ARL8A: variants seen among roughly 807,000 people sequenced by gnomAD.
ARL8A encodes the protein ADP-ribosylation factor-like protein 8A.
Under a neutral mutation model 31.2 loss-of-function variants are expected in ARL8A, and 10 were observed. The ratio of observed to expected loss-of-function variants is 0.32; its 90% CI spans 0.20 to 0.54. ARL8A has a LOEUF of 0.54. Ranked by LOEUF, ARL8A falls within the 20% of genes least tolerant of loss-of-function variation. The probability of loss-of-function intolerance (pLI) is 0.93; values close to 1 mark genes in which losing one functional copy is unlikely to be tolerated. For synonymous variants in ARL8A, 70 were observed against 86.9 expected (o/e 0.81, Z 1.08); for missense variants, 129 against 242.8 (o/e 0.53, Z 3.12).
Position 202,134,426 on chromosome 1 carries a change from G to A in ARL8A, c.*41C>T. The A allele has an allele frequency of 6.3e-7, 1 of 1,595,720 alleles. No homozygotes were observed. The highest frequency in any genetic ancestry group is 8.6e-7 in the Non-Finnish European group (1 of 1,163,814). Reference sequence around the variant, plus strand: ...GGCGGGGAGCTCGGCTTCAGGTTTAGATGATGACGGTCCCTGGTCTGAGGG... The same window carrying A: ...GGCGGGGAGCTCGGCTTCAGGTTTAAATGATGACGGTCCCTGGTCTGAGGG... On this transcript the variant is annotated 3_prime_UTR_variant, in exon 7 of 7. Transcript: ENST00000272217. This position sits in a 1 kb window ranked among gnomAD's most constrained non-coding sequence, Gnocchi z 4.2.
chr1:202,138,029 T>C lies in ARL8A; in HGVS notation c.214A>G (p.Ile72Val). Residue 72 changes from isoleucine to valine, a missense_variant, in exon 3 of 7, where the codon ATT (isoleucine) becomes GTT (valine). Coordinates refer to ENST00000272217, the MANE Select transcript of ARL8A (RefSeq NM_138795.4). The surrounding 1 kb of genome is among the most constrained non-coding windows in gnomAD (Gnocchi z 4.4). ...KGNVTIKLWD[I>V]GGQPRFRSMW... is the part of the protein sequence containing the mutation. The stretch of plus-strand genomic sequence containing the variant: ...CTGCGGAAACGCGGCTGTCCCCCAA[T>C]GTCCCAGAGCTGAGCAAGAAGAGGG... The C allele has an allele frequency of 1.2e-6, 2 of 1,614,050 alleles. No homozygotes were observed. The highest frequency in any genetic ancestry group is 1.1e-5 in the South Asian group (1 of 91,074).
rs1323234735 is a variant in ARL8A at position 202,144,010 on chromosome 1, C to T, written c.123+440G>A. On this transcript the variant is annotated intron_variant, in intron 1 of 6. Coordinates refer to ENST00000272217, the MANE Select transcript of ARL8A (RefSeq NM_138795.4). The surrounding 1 kb of genome is among the most constrained non-coding windows in gnomAD (Gnocchi z 5.2). ...GTGGGGCTGGGCTTGCCCAAACCCC[C>T]TCCTCAAGCCTCTCGGCCGCCCCGT... 1.3e-5 allele frequency among the ~76,000 whole-genome samples: 2 copies of T among 152,258 alleles called. No individual in the cohort carries two copies. The highest frequency in any genetic ancestry group is 2.9e-5 in the Non-Finnish European group (2 of 68,036).
Position 202,134,250 on chromosome 1 carries a change from A to C in ARL8A, c.*217T>G. 34 of 532,234 alleles carry C rather than the reference A, an allele frequency of 6.4e-5. No individual in the cohort carries two copies. The highest frequency in any genetic ancestry group is 7.5e-5 in the Non-Finnish European group (22 of 293,762). The allele number at this position is 532,234 out of a possible 1,614,324, so 33.0% of individuals were successfully genotyped here. On this transcript the variant is annotated 3_prime_UTR_variant, in exon 7 of 7. Coordinates refer to ENST00000272217, the MANE Select transcript of ARL8A (RefSeq NM_138795.4). The surrounding 1 kb of genome is among the most constrained non-coding windows in gnomAD (Gnocchi z 4.2). The stretch of plus-strand genomic sequence containing the variant: ...GGTGATGGGACAAAGGCAGCGGGGA[A>C]GGGTGAGAAGTTAGGGGACCAGAAT...
rs1654949386 is a variant in ARL8A, at chr1:202,134,461, G to A, written c.*6C>T. 5 of 1,612,294 alleles carry A rather than the reference G, an allele frequency of 3.1e-6. No individual in the cohort carries two copies. Among genetic ancestry groups the A allele is most frequent in the African/African-American group, 1.3e-5 (1 of 74,810 alleles). ...GTCCCTGGTCTGAGGGAGAAGGGCTGGAGTCTCAGCTTCTCCGTGACTTCG... is the reference window on the plus strand; with the variant it reads ...GTCCCTGGTCTGAGGGAGAAGGGCTAGAGTCTCAGCTTCTCCGTGACTTCG... On this transcript the variant is annotated 3_prime_UTR_variant, in exon 7 of 7. Transcript: ENST00000272217. This position sits in a 1 kb window ranked among gnomAD's most constrained non-coding sequence, Gnocchi z 4.2.
In ARL8A at chr1:202,136,263, A is replaced by G. The variant is rs12068028; in HGVS notation, c.279-463T>C. On this transcript the variant is annotated intron_variant, in intron 3 of 6. Coordinates refer to ENST00000272217, the MANE Select transcript of ARL8A (RefSeq NM_138795.4). Reference sequence around the variant, plus strand: ...ATCTATTGTTTGGGCATATATATATAGAATAAATTTTATTATTATTATTAA... The same window carrying G: ...ATCTATTGTTTGGGCATATATATATGGAATAAATTTTATTATTATTATTAA... 3.5e-3 allele frequency among the ~76,000 whole-genome samples: 527 copies of G among 152,248 alleles called. 9 individuals carry two copies. Among genetic ancestry groups the G allele is most frequent in the African/African-American group, 0.012 (491 of 41,558 alleles).
At position 202,144,333 on chromosome 1, in the gene ARL8A, C is replaced by T; in HGVS notation, c.123+117G>A. On this transcript the variant is annotated intron_variant, in intron 1 of 6. Coordinates refer to ENST00000272217, the MANE Select transcript of ARL8A (RefSeq NM_138795.4). The surrounding 1 kb of genome is among the most constrained non-coding windows in gnomAD (Gnocchi z 5.2). ...GGGCCGGCTCCTCCCCCGCCCGGCG[C>T]CCGGCCGTGCCCGGCTATGCCAGGC... The T allele has an allele frequency of 1.4e-6, 1 of 731,184 alleles. No individual in the cohort carries two copies. The highest frequency in any genetic ancestry group is 1.7e-6 in the Non-Finnish European group (1 of 596,508). 45.3% of individuals were successfully genotyped at this position (731,184 alleles called of 1,614,324 possible).
At chr1:202,142,455 A>G (rs1655188020) in intron 1 of ARL8A, among the ~76,000 whole-genome samples, 2 of 152,226 alleles carry the variant, frequency 1.3e-5, no homozygotes, top group African/African-American at 4.8e-5. Flanking sequence ...CAGCAATGCC[A>G]GTGTGGTAGC....
chr1:202,141,505 G>T (rs377139861), intron 1 of ARL8A, among the ~76,000 whole-genome samples: 1 of 152,008 alleles, frequency 6.6e-6, no homozygotes, highest in Non-Finnish European at 1.5e-5. Flanking sequence ...AGCCAGGCAT[G>T]GTGGTGTATG....
rs1418338096 is a variant in ARL8A, at chr1:202,135,622, G to A, written c.372+85C>T. 8.9e-6 allele frequency: 14 copies of A among 1,572,412 alleles called. No homozygotes were observed. Among genetic ancestry groups the A allele is most frequent in the Non-Finnish European group, 1.1e-5 (13 of 1,143,056 alleles). ...CTCCTGGGTCCCGTTTCCTCTCTGC[G>A]CCCCTACCATGCCTGGCTTTTACCT... On this transcript the variant is annotated intron_variant, in intron 4 of 6. Transcript: ENST00000272217. The surrounding 1 kb of genome is among the most constrained non-coding windows in gnomAD (Gnocchi z 5.3).
chr1:202,135,441 T>C lies in ARL8A; in HGVS notation c.440+18A>G, dbSNP rs763974345. The stretch of plus-strand genomic sequence containing the variant: ...GGAATTGGGAGAGCAGAAAGTAATA[T>C]AGAGTCACCCAACTCACATTTTCTC... On this transcript the variant is annotated intron_variant, in intron 5 of 6. Coordinates refer to ENST00000272217, the MANE Select transcript of ARL8A (RefSeq NM_138795.4). The surrounding 1 kb of genome is among the most constrained non-coding windows in gnomAD (Gnocchi z 5.3). The C allele has an allele frequency of 2.1e-5, 34 of 1,612,410 alleles. No individual in the cohort carries two copies. Among genetic ancestry groups the C allele is most frequent in the Middle Eastern group, 1.6e-4 (1 of 6,076 alleles).
intron 1 of ARL8A, among the ~76,000 whole-genome samples, chr1:202,139,485 A>T (rs941681372): frequency 8.6e-5 from 13 of 151,194 alleles, no homozygotes; most frequent in African/African-American, 2.7e-4. Flanking sequence ...AGGCAGGTGA[A>T]TCGCTTGAAC....
At position 202,138,043 on chromosome 1, in the gene ARL8A, G is replaced by A. The variant is rs1422388864; in HGVS notation, c.205-5C>T. 1.9e-6 allele frequency: 3 copies of A among 1,614,010 alleles called. No homozygotes were observed. Among genetic ancestry groups the A allele is most frequent in the Admixed American group, 3.3e-5 (2 of 60,022 alleles). Reference sequence around the variant, plus strand: ...CTGTCCCCCAATGTCCCAGAGCTGAGCAAGAAGAGGGTGAGATAGCCTCAG... The same window carrying A: ...CTGTCCCCCAATGTCCCAGAGCTGAACAAGAAGAGGGTGAGATAGCCTCAG... On this transcript the variant is annotated splice_region_variant and splice_polypyrimidine_tract_variant and intron_variant, in intron 2 of 6. Coordinates refer to ENST00000272217, the MANE Select transcript of ARL8A (RefSeq NM_138795.4). The surrounding 1 kb of genome is among the most constrained non-coding windows in gnomAD (Gnocchi z 4.4).
chr1:202,144,408 C>T lies in ARL8A; in HGVS notation c.123+42G>A. ...GGCGCGGGCGGGGACAGGCCCGACCCGCGGCCCGCGCCCGGGGACCCCGCG... is the reference window on the plus strand; with the variant it reads ...GGCGCGGGCGGGGACAGGCCCGACCTGCGGCCCGCGCCCGGGGACCCCGCG... On this transcript the variant is annotated intron_variant, in intron 1 of 6. Transcript: ENST00000272217. This position sits in a 1 kb window ranked among gnomAD's most constrained non-coding sequence, Gnocchi z 5.2. The T allele has an allele frequency of 1.5e-6, 2 of 1,300,878 alleles. No individual in the cohort carries two copies. Among genetic ancestry groups the T allele is most frequent in the Non-Finnish European group, 2.0e-6 (2 of 996,488 alleles). 80.6% of individuals were successfully genotyped at this position (1,300,878 alleles called of 1,614,324 possible). A position where few individuals can be genotyped will look rare whatever the true frequency, so the allele number is the denominator to read the frequency against.
rs139193718 is a variant in ARL8A, at chr1:202,140,917, T to C, written c.124-2469A>G. Among the ~76,000 whole-genome samples, 395 of 152,296 alleles carry C rather than the reference T, an allele frequency of 2.6e-3. 1 individual carries two copies. The highest frequency in any genetic ancestry group is 9.1e-3 in the African/African-American group (379 of 41,554). ...TTCTCTGGACCTCAGTGTTTCTGAA[T>C]GTAAAACTGGGGAGAAGGGTTTCGG... On this transcript the variant is annotated intron_variant, in intron 1 of 6. Transcript: ENST00000272217.
chr1:202,134,445 C>G lies in ARL8A; in HGVS notation c.*22G>C. 6.2e-7 allele frequency: 1 copy of G among 1,609,028 alleles called. No individual in the cohort carries two copies. Among genetic ancestry groups the G allele is most frequent in the African/African-American group, 1.3e-5 (1 of 74,826 alleles). ...GGTTTAGATGATGACGGTCCCTGGT[C>G]TGAGGGAGAAGGGCTGGAGTCTCAG... is the stretch of plus-strand genomic sequence containing the variant. On this transcript the variant is annotated 3_prime_UTR_variant, in exon 7 of 7. Coordinates refer to ENST00000272217, the MANE Select transcript of ARL8A (RefSeq NM_138795.4). This position sits in a 1 kb window ranked among gnomAD's most constrained non-coding sequence, Gnocchi z 4.2.
rs11542198 is a variant in ARL8A at position 202,134,311 on chromosome 1, C to T, written c.*156G>A. 1 of 660,726 alleles carries T rather than the reference C, an allele frequency of 1.5e-6. No homozygotes were observed. The highest frequency in any genetic ancestry group is 2.6e-6 in the Non-Finnish European group (1 of 377,580). The allele number at this position is 660,726 out of a possible 1,614,324, so 40.9% of individuals were successfully genotyped here. On this transcript the variant is annotated 3_prime_UTR_variant, in exon 7 of 7. Transcript: ENST00000272217. This position sits in a 1 kb window ranked among gnomAD's most constrained non-coding sequence, Gnocchi z 4.2. ...TTATTTTACAATAAAAACAGGAGTT[C>T]AAACCTCAGCAGAACAGGACTCTGG...
chr1:202,139,207 C>T (rs1655097813), intron 1 of ARL8A, among the ~76,000 whole-genome samples: 1 of 152,114 alleles, frequency 6.6e-6, no homozygotes. Flanking sequence ...AAGGCCAGAC[C>T]CAACTCCCTC....
rs550047598 is a variant in ARL8A, at chr1:202,141,463, G to A, written c.123+2987C>T. Among the ~76,000 whole-genome samples, 5 of 152,016 alleles carry A rather than the reference G, an allele frequency of 3.3e-5. No homozygotes were observed. In the South Asian group the frequency reaches 6.2e-4, roughly 19 times the overall value. ...TCGAGACCAGCCTGGCCAACATGAC[G>A]AAACCCCATCTCTACTAAAAATACA... is the stretch of plus-strand genomic sequence containing the variant. On this transcript the variant is annotated intron_variant, in intron 1 of 6. Coordinates refer to ENST00000272217, the MANE Select transcript of ARL8A (RefSeq NM_138795.4).
At position 202,138,531 on chromosome 1, in the gene ARL8A, G is replaced by A. The variant is rs1430068432; in HGVS notation, c.124-83C>T. 6 of 1,352,578 alleles carry A rather than the reference G, an allele frequency of 4.4e-6. No individual in the cohort carries two copies. Among genetic ancestry groups the A allele is most frequent in the Non-Finnish European group, 6.3e-6 (6 of 947,156 alleles). 83.8% of individuals were successfully genotyped at this position (1,352,578 alleles called of 1,614,324 possible). A position where few individuals can be genotyped will look rare whatever the true frequency, so the allele number is the denominator to read the frequency against. On this transcript the variant is annotated intron_variant, in intron 1 of 6. Coordinates refer to ENST00000272217, the MANE Select transcript of ARL8A (RefSeq NM_138795.4). The surrounding 1 kb of genome is among the most constrained non-coding windows in gnomAD (Gnocchi z 4.4). ...ACCAAGAGGCTGCGAGAACCATGCAGAGGCCAGGCCAGAGCTTCCTAGACT... is the reference window on the plus strand; with the variant it reads ...ACCAAGAGGCTGCGAGAACCATGCAAAGGCCAGGCCAGAGCTTCCTAGACT...
Sources: gnomAD v4.1 joint callset for allele counts (sites outside exome capture counted in the v4.1 genomes callset) on GRCh38, gnomAD v4.1.1 for gene constraint, Gnocchi (gnomAD v3.1) non-coding constraint, MANE v1.5 for transcripts, NCBI Gene and HGNC (gene_info 2026-07-23, HGNC 2026-07-21) for gene names.